Variants in USP10 observed in about 807,000 individuals in gnomAD.
USP10 encodes the protein ubiquitin specific peptidase 10, also known as ubiquitin carboxyl-terminal hydrolase 10.
Under a neutral mutation model 84.5 loss-of-function variants are expected in USP10, and 22 were observed. The ratio of observed to expected loss-of-function variants is 0.26; its 90% CI spans 0.19 to 0.37. The LOEUF is 0.37. USP10 is among the 10% of genes least tolerant of loss of function. The pLI is 1.00. For missense variants in USP10, 1,019 were observed against 998.9 expected, an observed-to-expected ratio of 1.02 and a Z score of -0.27; for synonymous variants, 454 against 387.6, an observed-to-expected ratio of 1.17 and a Z score of -2.01.
rs185986912 is a variant in USP10 at position 84,732,020 on chromosome 16, T to G, written c.22-1415T>G. ...TGTTACTGTCAATACATAATTTCTT[T>G]GTTGACTTTTGCAAGTATATGTAAA... On this transcript the variant is annotated intron_variant, in intron 1 of 13. Transcript: ENST00000219473. 1.5e-4 allele frequency among the ~76,000 whole-genome samples: 23 copies of G among 152,340 alleles called. No homozygotes were observed. The East Asian group carries it at 4.2e-3, about 28-fold the overall frequency.
At chr16:84,709,806 CTG>C (rs1372075588) in intron 1 of USP10, among the ~76,000 whole-genome samples, 3 of 152,128 alleles carry the variant, frequency 2.0e-5, no homozygotes, top group African/African-American at 4.8e-5. Flanking sequence ...GTGGAGGAGA[CTG>C]TGCAGAGGAA....
At chr16:84,720,718 A>C (rs1431679390) in intron 1 of USP10, among the ~76,000 whole-genome samples, 1 of 149,540 alleles carries the variant, frequency 6.7e-6, no homozygotes, top group African/African-American at 2.5e-5. Flanking sequence ...AGTAGTTAGG[A>C]CTACAGGTGC....
In USP10 at chr16:84,747,554, A is replaced by ATTT. The variant is rs71151244; in HGVS notation, c.1192+1905_1192+1907dup. Among the ~76,000 whole-genome samples, 406 of 73,030 alleles carry ATTT rather than the reference A, an allele frequency of 5.6e-3. 66 individuals are homozygous for ATTT. The highest frequency in any genetic ancestry group is 6.7e-3 in the Non-Finnish European group (295 of 43,850). 47.9% of individuals were successfully genotyped at this position (73,030 alleles called of 152,430 possible). A position where few individuals can be genotyped will look rare whatever the true frequency, so the allele number is the denominator to read the frequency against. ...CATATATATTTTTTAAAGCCAGGTG[A>ATTT]TTTTTTTTTTTTTTTTTTTTTTTTT... is the stretch of plus-strand genomic sequence containing the variant. On this transcript the variant is annotated intron_variant, in intron 4 of 13. Transcript: ENST00000219473.
intron 12 of USP10, among the ~76,000 whole-genome samples, chr16:84,774,898 G>A (rs1265540267): frequency 2.0e-5 from 3 of 152,062 alleles, no homozygotes; most frequent in South Asian, 2.1e-4. Flanking sequence ...TGTTTTTAAG[G>A]GGCCTCCCAC....
chr16:84,739,260 T>TG (rs555123972), intron 2 of USP10, among the ~76,000 whole-genome samples: 1 of 149,746 alleles, frequency 6.7e-6, no homozygotes, highest in Non-Finnish European at 1.5e-5. Flanking sequence ...AGGGTTTGTT[T>TG]TTTTTTTGTT....
At chr16:84,764,720 A>G (rs112966870) in intron 10 of USP10, among the ~76,000 whole-genome samples, 3 of 151,970 alleles carry the variant, frequency 2.0e-5, no homozygotes, top group Non-Finnish European at 4.4e-5. Context: ...AATCCCAGCT[A>G]TTAGGGAGGC....
chr16:84,727,292 G>A (rs1249954247), intron 1 of USP10, among the ~76,000 whole-genome samples: 5 of 152,078 alleles, frequency 3.3e-5, no homozygotes, highest in African/African-American at 9.7e-5. Context: ...CAGACACAGC[G>A]TTATTTTCAT....
intron 1 of USP10, among the ~76,000 whole-genome samples, chr16:84,715,403 A>G (rs1485790399): frequency 6.6e-6 from 1 of 152,138 alleles, no homozygotes; most frequent in Non-Finnish European, 1.5e-5. Flanking sequence ...GTGCTGAATT[A>G]TGTGGTGCAT....
Position 84,763,940 on chromosome 16 carries a change from G to A in USP10, c.1655-146G>A, listed in dbSNP as rs1305686276. 4.0e-6 allele frequency: 4 copies of A among 994,850 alleles called. No individual in the cohort carries two copies. In the African/African-American group the frequency reaches 4.9e-5, roughly 12 times the overall value. 61.6% of individuals were successfully genotyped at this position (994,850 alleles called of 1,614,324 possible). ...GATTGGCCGTGGATCCAGTGACGTT[G>A]CTCCTGTTGCGATTGGTTGCCGTGG... On this transcript the variant is annotated intron_variant, in intron 9 of 13. Coordinates refer to ENST00000219473, the MANE Select transcript of USP10 (RefSeq NM_005153.3).
At chr16:84,765,022 C>T (rs1913692809) in intron 10 of USP10, among the ~76,000 whole-genome samples, 1 of 149,940 alleles carries the variant, frequency 6.7e-6, no homozygotes, top group Non-Finnish European at 1.5e-5. Flanking sequence ...TTGCAGTGAG[C>T]CAAGATTACA....
At chr16:84,720,599 T>TTTTTTTTTTTTTTTTTTTTTGTG (rs869278386) in intron 1 of USP10, among the ~76,000 whole-genome samples, 1 of 145,450 alleles carries the variant, frequency 6.9e-6, no homozygotes, top group African/African-American at 2.6e-5. Context: ...TTTTTTTTTT[T>TTTTTTTTTTTTTTTTTTTTTGTG]GAGATGGAGC....
intron 13 of USP10, 135 bp downstream of exon 13, chr16:84,775,360 G>C: frequency 1.2e-6 from 1 of 807,142 alleles, no homozygotes; most frequent in Non-Finnish European, 2.0e-6. Context: ...TGTGAGTCGG[G>C]GAGTCACGTG....
intron 1 of USP10, among the ~76,000 whole-genome samples, chr16:84,713,896 C>G (rs1385318198): frequency 6.6e-6 from 1 of 152,240 alleles, no homozygotes; most frequent in Non-Finnish European, 1.5e-5. Flanking sequence ...TGGCGTGTGC[C>G]GTGTCGCTGA....
chr16:84,776,414 C>G (rs572703115), intron 13 of USP10, among the ~76,000 whole-genome samples: 2 of 151,848 alleles, frequency 1.3e-5, no homozygotes, highest in East Asian at 1.9e-4. Flanking sequence ...CCTTTTGACT[C>G]TCTTCTTTTC....
In USP10 at chr16:84,744,922, G is replaced by C. The variant is rs760023854; in HGVS notation, c.441G>C (p.Arg147Ser). The C allele has an allele frequency of 1.2e-6, 2 of 1,613,732 alleles. No individual in the cohort carries two copies. Among genetic ancestry groups the C allele is most frequent in the South Asian group, 1.1e-5 (1 of 91,068 alleles). The change falls in exon 4 of 14, where the codon AGG becomes AGC. Residue 147 changes from arginine to serine, a missense_variant. Physicochemically the swap from Arg to Ser is moderately radical, Grantham distance 110. Around this residue, in one of 2 missense-constraint regions of USP10, gnomAD observed 787 missense variants for 708.8 expected, o/e 1.11. Transcript: ENST00000219473. ...GTGTCTCAGGTGGTCTTGGACAAAG[G>C]GAGCGTAAAAAGAAGAAAAAGCGGC... is the stretch of plus-strand genomic sequence containing the variant. ...NDGVSGGLGQ[R>S]ERKKKKKRPP...
At chr16:84,756,790 T>G (rs1297052754) in intron 4 of USP10, among the ~76,000 whole-genome samples, 1 of 152,224 alleles carries the variant, frequency 6.6e-6, no homozygotes, top group Non-Finnish European at 1.5e-5. Flanking sequence ...GCAATGACAT[T>G]AGTTGCTGTT....
At chr16:84,730,024 G>A (rs753321845) in intron 1 of USP10, among the ~76,000 whole-genome samples, 1 of 152,126 alleles carries the variant, frequency 6.6e-6, no homozygotes, top group African/African-American at 2.4e-5. Flanking sequence ...GATTTCTGTT[G>A]TGTTTACTTT....
intron 3 of USP10, among the ~76,000 whole-genome samples, chr16:84,741,933 A>G (rs1025893860): frequency 5.3e-5 from 8 of 152,170 alleles, no homozygotes; most frequent in African/African-American, 1.7e-4. Flanking sequence ...GTAAGCCCTC[A>G]GTACATTTGT....
At chr16:84,731,201 G>C (rs574700820) in intron 1 of USP10, among the ~76,000 whole-genome samples, 2 of 151,192 alleles carry the variant, frequency 1.3e-5, no homozygotes, top group Non-Finnish European at 2.9e-5. Context: ...GGATGGTCTC[G>C]ATCTTCTGAC....
Sources: gnomAD v4.1 joint callset for allele counts (sites outside exome capture counted in the v4.1 genomes callset) on GRCh38, gnomAD v4.1.1 for gene constraint, gnomAD v4.1.1 regional missense constraint, MANE v1.5 for transcripts, NCBI Gene and HGNC (gene_info 2026-07-23, HGNC 2026-07-21) for gene names.